SPOCK1: variants seen among roughly 807,000 people sequenced by gnomAD.
SPOCK1 encodes the protein SPARC (osteonectin), cwcv and kazal like domains proteoglycan 1, also known as testican-1.
A neutral mutation model predicts 55.3 loss-of-function variants in SPOCK1; 23 were observed. That is an observed-to-expected ratio of 0.42 (90% CI 0.30 to 0.59). SPOCK1 has a LOEUF of 0.59. Among genes scored for constraint, SPOCK1 ranks in the 20% least tolerant of loss-of-function variants. The pLI is 0.22. For missense variants in SPOCK1, 499 were observed against 552.5 expected (o/e 0.90, Z 0.97); for synonymous variants, 226 against 221.0 (o/e 1.02, Z -0.20).
At chr5:137,079,439 G>A (rs1404136240) in intron 5 of SPOCK1, among the ~76,000 whole-genome samples, 1 of 151,382 alleles carries the variant, frequency 6.6e-6, no homozygotes, top group South Asian at 2.1e-4. Flanking sequence ...CCATCTCCAG[G>A]CTTTGATACT....
intron 3 of SPOCK1, among the ~76,000 whole-genome samples, chr5:137,249,881 T>C (rs1756473638): frequency 6.6e-6 from 1 of 152,242 alleles, no homozygotes; most frequent in South Asian, 2.1e-4. Context: ...AATAAACAGT[T>C]GACAATCAGC....
chr5:137,140,747 A>ATTTTTTTTTTTTTTTTTTTTT (rs11309240), intron 3 of SPOCK1, 53 bp from the exon 4 acceptor site: 9 of 328,300 alleles, frequency 2.7e-5, no homozygotes, highest in Non-Finnish European at 3.3e-5. Flanking sequence ...GGGAAATTTA[A>ATTTTTTTTTTTTTTTTTTTTT]TTTTTTTTTT....
intron 5 of SPOCK1, among the ~76,000 whole-genome samples, chr5:137,081,378 G>A (rs542671739): frequency 6.6e-6 from 1 of 152,284 alleles, no homozygotes; most frequent in East Asian, 1.9e-4. Flanking sequence ...AGTGTACTCT[G>A]AAAATGGAAA....
intron 5 of SPOCK1, among the ~76,000 whole-genome samples, chr5:137,069,538 G>A (rs572172345): frequency 7.2e-5 from 11 of 152,334 alleles, no homozygotes; most frequent in Non-Finnish European, 1.2e-4. Context: ...GATGGGGCAC[G>A]AAAGAGGACC....
intron 2 of SPOCK1, among the ~76,000 whole-genome samples, chr5:137,353,646 C>T (rs1750729112): frequency 6.6e-6 from 1 of 152,172 alleles, no homozygotes; most frequent in Non-Finnish European, 1.5e-5. Flanking sequence ...GTAGCTGCTG[C>T]CAGCTCCCTC....
chr5:137,321,301 AG>A (rs1757978975), intron 2 of SPOCK1, among the ~76,000 whole-genome samples: 2 of 152,236 alleles, frequency 1.3e-5, no homozygotes, highest in African/African-American at 4.8e-5. Flanking sequence ...AGACAGACAA[AG>A]GGGCAGAAAG....
chr5:137,185,311 T>C (rs769581352), intron 3 of SPOCK1, among the ~76,000 whole-genome samples: 6 of 152,154 alleles, frequency 3.9e-5, no homozygotes, highest in Non-Finnish European at 8.8e-5. Context: ...TCAAATTTAC[T>C]TGCTCCAAGA....
intron 3 of SPOCK1, among the ~76,000 whole-genome samples, chr5:137,177,645 C>T: frequency 6.6e-6 from 1 of 152,032 alleles, no homozygotes; most frequent in East Asian, 1.9e-4. Flanking sequence ...GTTTAAAACT[C>T]CCTTTAACAT....
intron 4 of SPOCK1, among the ~76,000 whole-genome samples, chr5:137,139,174 T>C (rs536578489): frequency 1.3e-5 from 2 of 152,302 alleles, no homozygotes; most frequent in East Asian, 3.9e-4. Flanking sequence ...TATGATACCT[T>C]GCATCTTGCT....
chr5:137,259,202 C>A (rs1286735675), intron 3 of SPOCK1, among the ~76,000 whole-genome samples: 1 of 152,086 alleles, frequency 6.6e-6, no homozygotes, highest in African/African-American at 2.4e-5. Context: ...ATGTTTACTG[C>A]GACACTGTTC....
chr5:137,180,014 T>A (rs899334157), intron 3 of SPOCK1, among the ~76,000 whole-genome samples: 6 of 152,146 alleles, frequency 3.9e-5, no homozygotes, highest in African/African-American at 1.4e-4. Context: ...ATGTGACTGC[T>A]AGCATCTCAA....
chr5:137,332,867 A>C (rs1474063173), intron 2 of SPOCK1, among the ~76,000 whole-genome samples: 1 of 152,234 alleles, frequency 6.6e-6, no homozygotes, highest in Non-Finnish European at 1.5e-5. Context: ...CTAAGTGCAA[A>C]GTGAGTATCA....
chr5:137,353,784 G>A lies in SPOCK1; in HGVS notation c.187-86729C>T, dbSNP rs566542077. Among the ~76,000 whole-genome samples the A allele has an allele frequency of 9.2e-5, 14 of 152,186 alleles. No individual in the cohort carries two copies. In the East Asian group the frequency reaches 2.3e-3, roughly 25 times the overall value. On this transcript the variant is annotated intron_variant, in intron 2 of 10. Coordinates refer to ENST00000394945, the MANE Select transcript of SPOCK1 (RefSeq NM_004598.4). ...CTTCCTAGATGGGAGGTTCAGCAGG[G>A]GCAAGCCGAGGTGTCCCCTCTTCAA...
At chr5:137,044,743 C>T (rs1399085763) in intron 6 of SPOCK1, among the ~76,000 whole-genome samples, 2 of 150,924 alleles carry the variant, frequency 1.3e-5, no homozygotes, top group Non-Finnish European at 3.0e-5. Flanking sequence ...GCTGCGCCCA[C>T]TAACTCGTCA....
intron 2 of SPOCK1, among the ~76,000 whole-genome samples, chr5:137,268,134 T>C (rs1218079163): frequency 6.6e-6 from 1 of 152,224 alleles, no homozygotes; most frequent in Non-Finnish European, 1.5e-5. Flanking sequence ...CGATCTCCTG[T>C]GAATTTTATC....
chr5:137,336,040 C>T (rs1750268937), intron 2 of SPOCK1, among the ~76,000 whole-genome samples: 1 of 152,196 alleles, frequency 6.6e-6, no homozygotes, highest in African/African-American at 2.4e-5. Context: ...CACACACTGG[C>T]TCTCTAGGTA....
intron 2 of SPOCK1, among the ~76,000 whole-genome samples, chr5:137,316,571 G>T (rs1271703920): frequency 6.6e-6 from 1 of 152,186 alleles, no homozygotes; most frequent in Non-Finnish European, 1.5e-5. Flanking sequence ...ACCAGGACTT[G>T]TGACTCACAG....
intron 6 of SPOCK1, among the ~76,000 whole-genome samples, chr5:137,066,080 G>A (rs1218871460): frequency 6.6e-6 from 1 of 152,112 alleles, no homozygotes; most frequent in Admixed American, 6.5e-5. Flanking sequence ...TCTCTCTTAA[G>A]GAGAGATGCA....
chr5:137,207,282 A>G (rs1755535741), intron 3 of SPOCK1, among the ~76,000 whole-genome samples: 1 of 152,234 alleles, frequency 6.6e-6, no homozygotes, highest in Non-Finnish European at 1.5e-5. Context: ...GCAGGCCTGG[A>G]ACAGGCCCAC....
Sources: gnomAD v4.1 joint callset for allele counts (sites outside exome capture counted in the v4.1 genomes callset) on GRCh38, gnomAD v4.1.1 for gene constraint, MANE v1.5 for transcripts, NCBI Gene and HGNC (gene_info 2026-07-23, HGNC 2026-07-21) for gene names.